The following PIK3CD variants were observed in gnomAD, a reference collection of about 807,000 sequenced individuals.
The protein encoded by PIK3CD is phosphatidylinositol 4,5-bisphosphate 3-kinase catalytic subunit delta isoform.
PIK3CD carries 20 observed loss-of-function variants against 122.9 expected under a neutral mutation model. The ratio of observed to expected loss-of-function variants is 0.16; its 90% CI spans 0.11 to 0.24. The LOEUF (loss-of-function observed/expected upper bound fraction) is 0.24, where lower values mean the gene tolerates loss of function less well. Among genes scored for constraint, PIK3CD ranks in the 10% least tolerant of loss-of-function variants. The pLI is 1.00. For synonymous variants in PIK3CD, 596 were observed against 593.4 expected, an observed-to-expected ratio of 1.00 and a Z score of -0.06; for missense variants, 787 against 1,406.3, an observed-to-expected ratio of 0.56 and a Z score of 7.04.
chr1:9,722,903 G>A lies in PIK3CD; in HGVS notation c.2427-222G>A, dbSNP rs552705311. 3.9e-5 allele frequency among the ~76,000 whole-genome samples: 6 copies of A among 152,290 alleles called. No homozygotes were observed. The highest frequency in any genetic ancestry group is 3.9e-4 in the Admixed American group (6 of 15,296). The stretch of plus-strand genomic sequence containing the variant: ...CGTCTTCTCCCAAGGCCTCTGTCTG[G>A]TTCTCTTCCAAGCAAATGTGAACTC... On this transcript the variant is annotated intron_variant, in intron 19 of 23. Coordinates refer to ENST00000377346, the MANE Select transcript of PIK3CD (RefSeq NM_005026.5). The surrounding 1 kb of genome is among the most constrained non-coding windows in gnomAD (Gnocchi z 7.6).
intron 1 of PIK3CD, among the ~76,000 whole-genome samples, chr1:9,655,999 C>T (rs1355551829): frequency 3.3e-5 from 5 of 152,090 alleles, no homozygotes; most frequent in African/African-American, 9.7e-5. Context: ...GCGCGGCCTT[C>T]CTATTACATT....
intron 5 of PIK3CD, 91 bp downstream of exon 5, chr1:9,716,169 CT>C: frequency 9.0e-7 from 1 of 1,111,064 alleles, no homozygotes; most frequent in Non-Finnish European, 1.3e-6. Flanking sequence ...GCAAGCCCCC[CT>C]CCCCCAGTGG....
chr1:9,684,250 A>G (rs1469268736), intron 1 of PIK3CD, among the ~76,000 whole-genome samples: 2 of 152,258 alleles, frequency 1.3e-5, no homozygotes, highest in African/African-American at 4.8e-5. Flanking sequence ...AGAATGAGCA[A>G]TGCAGGCTGG....
intron 1 of PIK3CD, among the ~76,000 whole-genome samples, chr1:9,664,040 T>C (rs1410271272): frequency 2.8e-5 from 4 of 143,224 alleles, no homozygotes; most frequent in African/African-American, 7.9e-5. Flanking sequence ...TTTTTCTTTT[T>C]CTTTCTTTCT....
chr1:9,720,498 A>G lies in PIK3CD; in HGVS notation c.1471-113A>G, dbSNP rs921609824. 7 of 1,526,604 alleles carry G rather than the reference A, an allele frequency of 4.6e-6. No individual in the cohort carries two copies. Among genetic ancestry groups the G allele is most frequent in the South Asian group, 3.7e-5 (3 of 81,636 alleles). The allele number at this position is 1,526,604 out of a possible 1,614,324, so 94.6% of individuals were successfully genotyped here. Reference sequence around the variant, plus strand: ...CCAGAGCTGCTGTGGATGCGCCTCCATGCAGAGGACAGCGCCCCCTCAAGG... The same window carrying G: ...CCAGAGCTGCTGTGGATGCGCCTCCGTGCAGAGGACAGCGCCCCCTCAAGG... On this transcript the variant is annotated intron_variant, in intron 11 of 23. Transcript: ENST00000377346. This position sits in a 1 kb window ranked among gnomAD's most constrained non-coding sequence, Gnocchi z 9.0.
the PIK3CD span, among the ~76,000 whole-genome samples, chr1:9,646,025 G>C: frequency 2.0e-3 from 304 of 152,158 alleles, 1 homozygote; most frequent in African/African-American, 7.1e-3. Flanking sequence ...GCCCACCTCA[G>C]CCTCCCAAAG....
rs1342604745 is a variant in PIK3CD at position 9,728,710 on chromosome 1, G to A, written c.*1664G>A. On this transcript the variant is annotated 3_prime_UTR_variant, in exon 24 of 24. Transcript: ENST00000377346. ...TATTTATTTAAGTGCGCCTGTGTGCGCGGGTGTGGGAGCACACTTTGCAAA... is the reference window on the plus strand; with the variant it reads ...TATTTATTTAAGTGCGCCTGTGTGCACGGGTGTGGGAGCACACTTTGCAAA... The A allele has an allele frequency of 6.6e-6, 1 of 152,274 alleles. No homozygotes were observed. The highest frequency in any genetic ancestry group is 2.4e-5 in the African/African-American group (1 of 41,472). 9.4% of individuals were successfully genotyped at this position (152,274 alleles called of 1,614,324 possible). A position where few individuals can be genotyped will look rare whatever the true frequency, so the allele number is the denominator to read the frequency against.
chr1:9,686,214 T>C lies in PIK3CD; in HGVS notation c.-137-5253T>C, dbSNP rs188784685. On this transcript the variant is annotated intron_variant, in intron 1 of 23. Transcript: ENST00000377346. ...TATGTTTTGGGATTTAACAAGAGGA[T>C]TGGCCCTTTTAGTAGCAAGTAGAGG... Among the ~76,000 whole-genome samples the C allele has an allele frequency of 6.2e-4, 94 of 152,274 alleles. 1 individual carries two copies. The highest frequency in any genetic ancestry group is 9.6e-4 in the Non-Finnish European group (65 of 68,012).
intron 1 of PIK3CD, among the ~76,000 whole-genome samples, chr1:9,666,420 A>G (rs1645162051): frequency 6.7e-6 from 1 of 150,240 alleles, no homozygotes; most frequent in Non-Finnish European, 1.5e-5. Context: ...TTTTGTAGAG[A>G]CAGGGTTTTA....
chr1:9,651,796 CG>C lies in PIK3CD; in HGVS notation c.-141del, dbSNP rs1334928620. On this transcript the variant is annotated 5_prime_UTR_variant, in exon 1 of 24. Transcript: ENST00000377346. Reference sequence around the variant, plus strand: ...AGCCGCCCAGCCCTGCCAGCTGCGCCGGGACGGTAAGCGATCGCCGCTGGCT... The same window carrying C: ...AGCCGCCCAGCCCTGCCAGCTGCGCCGGACGGTAAGCGATCGCCGCTGGCT... The C allele has an allele frequency of 6.6e-6, 1 of 152,070 alleles. No individual in the cohort carries two copies. The highest frequency in any genetic ancestry group is 1.9e-4 in the East Asian group (1 of 5,174). The allele number at this position is 152,070 out of a possible 1,614,324, so 9.4% of individuals were successfully genotyped here.
chr1:9,718,052 C>A lies in PIK3CD; in HGVS notation c.1020+426C>A, dbSNP rs746572920. ...CCTGCCTCAACCTCTAGGGGCTGAG[C>A]CCACCTCCCTGTTGTCTCTTAACAC... On this transcript the variant is annotated intron_variant, in intron 8 of 23. Coordinates refer to ENST00000377346, the MANE Select transcript of PIK3CD (RefSeq NM_005026.5). This position sits in a 1 kb window ranked among gnomAD's most constrained non-coding sequence, Gnocchi z 7.2. 39 of 476,790 alleles carry A rather than the reference C, an allele frequency of 8.2e-5. No homozygotes were observed. The highest frequency in any genetic ancestry group is 3.4e-4 in the South Asian group (22 of 64,396). 29.5% of individuals were successfully genotyped at this position (476,790 alleles called of 1,614,324 possible). A position where few individuals can be genotyped will look rare whatever the true frequency, so the allele number is the denominator to read the frequency against.
chr1:9,661,521 C>T (rs999003405), intron 1 of PIK3CD, among the ~76,000 whole-genome samples: 1 of 152,118 alleles, frequency 6.6e-6, no homozygotes, highest in Non-Finnish European at 1.5e-5. Flanking sequence ...CTGGAGTAGC[C>T]GGGACTGTAG....
chr1:9,712,630 A>G (rs934476973), intron 3 of PIK3CD, among the ~76,000 whole-genome samples: 1 of 152,208 alleles, frequency 6.6e-6, no homozygotes, highest in South Asian at 2.1e-4. Context: ...AAAAAATACG[A>G]AAGAAGTAAT....
intron 1 of PIK3CD, among the ~76,000 whole-genome samples, chr1:9,667,273 A>C (rs994489999): frequency 2.6e-5 from 4 of 152,146 alleles, no homozygotes; most frequent in Admixed American, 6.6e-5. Flanking sequence ...CAAGGTTGCC[A>C]AGGGTGATGA....
At chr1:9,639,214 T>A in the PIK3CD span, among the ~76,000 whole-genome samples, 2 of 152,120 alleles carry the variant, frequency 1.3e-5, no homozygotes, top group Admixed American at 1.3e-4. Context: ...AAAGTAACCA[T>A]CTCTATTCCT....
chr1:9,716,917 TG>T, intron 6 of PIK3CD, 41 bp from the exon 7 acceptor site: 1 of 1,612,912 alleles, frequency 6.2e-7, no homozygotes, highest in Non-Finnish European at 8.5e-7. Flanking sequence ...AGGGAGTGGT[TG>T]GGGCCGCCCC....
At position 9,723,937 on chromosome 1, in the gene PIK3CD, TATGGCC is replaced by T. The variant is rs763127120; in HGVS notation, c.2595-28_2595-23del. ...CTTGATAGGCGGAGCTGCAAAATGG[TATGGCC>T]ATGCTTTTTAATCTTCCCCACCCAG... On this transcript the variant is annotated intron_variant, in intron 20 of 23. Transcript: ENST00000377346. This position sits in a 1 kb window ranked among gnomAD's most constrained non-coding sequence, Gnocchi z 4.9. The T allele has an allele frequency of 6.2e-7, 1 of 1,609,592 alleles. No individual in the cohort carries two copies. Among genetic ancestry groups the T allele is most frequent in the Middle Eastern group, 1.7e-4 (1 of 6,036 alleles).
At chr1:9,638,681 G>C in the PIK3CD span, among the ~76,000 whole-genome samples, 1 of 136,012 alleles carries the variant, frequency 7.4e-6, no homozygotes, top group Admixed American at 7.8e-5. Flanking sequence ...GCAGTGAGCC[G>C]AGATTGCACC....
intron 3 of PIK3CD, among the ~76,000 whole-genome samples, chr1:9,714,181 T>C (rs1468106619): frequency 1.3e-5 from 2 of 152,196 alleles, no homozygotes; most frequent in Non-Finnish European, 2.9e-5. Flanking sequence ...GTCTTATTTT[T>C]CCATTTACAG....
Sources: gnomAD v4.1 joint callset for allele counts (sites outside exome capture counted in the v4.1 genomes callset) on GRCh38, gnomAD v4.1.1 for gene constraint, Gnocchi (gnomAD v3.1) non-coding constraint, MANE v1.5 for transcripts, NCBI Gene and HGNC (gene_info 2026-07-23, HGNC 2026-07-21) for gene names.